RUBCNL: variants seen among roughly 807,000 people sequenced by gnomAD.
RUBCNL encodes the protein protein associated with UVRAG as autophagy enhancer.
RUBCNL carries 62 observed loss-of-function variants against 69.5 expected under a neutral mutation model. The ratio of observed to expected loss-of-function variants is 0.89; its 90% CI spans 0.73 to 1.10. RUBCNL has a LOEUF of 1.10. Among genes scored for constraint, RUBCNL ranks in the 50% least tolerant of loss-of-function variants. The pLI, the probability that RUBCNL is intolerant of heterozygous loss-of-function variation, is 0.00. For missense variants in RUBCNL, 768 were observed against 798.1 expected, an observed-to-expected ratio of 0.96 and a Z score of 0.45; for synonymous variants, 291 against 303.6, an observed-to-expected ratio of 0.96 and a Z score of 0.43.
intron 4 of RUBCNL, 115 bp downstream of exon 4, chr13:46,368,618 G>A: frequency 2.3e-6 from 3 of 1,301,690 alleles, no homozygotes; most frequent in Non-Finnish European, 3.2e-6. Context: ...ATCAAATGCT[G>A]AAAGGAAACC....
chr13:46,357,493 C>T (rs73478070), intron 9 of RUBCNL, among the ~76,000 whole-genome samples: 5,705 of 151,952 alleles, frequency 0.038, 187 homozygotes, highest in East Asian at 0.098. Context: ...CTCAGGGAGG[C>T]CATACACCAA....
In RUBCNL at chr13:46,334,692, A is replaced by G. The variant is rs184442163; in HGVS notation, c.*8693T>C. 1.5e-3 allele frequency among the ~76,000 whole-genome samples: 234 copies of G among 152,310 alleles called. 1 individual carries two copies. Among genetic ancestry groups the G allele is most frequent in the African/African-American group, 5.5e-3 (227 of 41,570 alleles). ...GGGGAGCTTGGAGGCCAGGGGGAAA[A>G]AAAACACTGAATTTTATACACAAAG... On this transcript the variant is annotated 3_prime_UTR_variant, in exon 15 of 15. Transcript: ENST00000429979.
intron 1 of RUBCNL, among the ~76,000 whole-genome samples, chr13:46,385,864 T>C (rs2049230090): frequency 6.6e-6 from 1 of 152,188 alleles, no homozygotes; most frequent in Non-Finnish European, 1.5e-5. Context: ...TCAAAGTTCC[T>C]ACCATCTCCC....
intron 3 of RUBCNL, among the ~76,000 whole-genome samples, chr13:46,371,013 G>A (rs571020403): frequency 1.8e-4 from 27 of 151,170 alleles, no homozygotes; most frequent in African/African-American, 6.3e-4. Context: ...TCCAAAATTT[G>A]TTCTTCTTAA....
rs1257146680 is a variant in RUBCNL, at chr13:46,372,377, C to T, written c.99G>A (p.Leu33=). ...ATTGGCAAGGAGGATGGTCAGTGTT[C>T]AGGAGTCTGGGCGAACCATCAATAA... ...SGIIDGSPRL[L]NTDHPPCQLD... The change falls in exon 3 of 15, where the codon CTG becomes CTA. Residue 33 remains leucine, a synonymous_variant. Transcript: ENST00000429979. The T allele has an allele frequency of 6.2e-7, 1 of 1,613,920 alleles. No individual in the cohort carries two copies. Among genetic ancestry groups the T allele is most frequent in the East Asian group, 2.2e-5 (1 of 44,880 alleles).
intron 9 of RUBCNL, among the ~76,000 whole-genome samples, chr13:46,356,798 G>A (rs113138403): frequency 4.0e-5 from 6 of 151,790 alleles, no homozygotes; most frequent in East Asian, 1.9e-4. Context: ...CAAACTCCTC[G>A]GCTCAGCTCA....
chr13:46,335,257 GTTGTTTT>G lies in RUBCNL; in HGVS notation c.*8121_*8127del, dbSNP rs1483128061. Among the ~76,000 whole-genome samples, 1 of 98,590 alleles carries G rather than the reference GTTGTTTT, an allele frequency of 1.0e-5. No homozygotes were observed. The highest frequency in any genetic ancestry group is 4.0e-5 in the African/African-American group (1 of 25,276). 64.7% of individuals were successfully genotyped at this position (98,590 alleles called of 152,430 possible). ...TTTGTGTCTTTTTGTTGTTGTTGTT[GTTGTTTT>G]TTTTTTTTTTTTTTTTTTTTTAAGA... On this transcript the variant is annotated 3_prime_UTR_variant, in exon 15 of 15. Coordinates refer to ENST00000429979, the MANE Select transcript of RUBCNL (RefSeq NM_025113.5).
upstream of RUBCNL, among the ~76,000 whole-genome samples, chr13:46,388,300 A>AGGG (rs1292552980): frequency 7.8e-6 from 1 of 128,184 alleles, no homozygotes; most frequent in Non-Finnish European, 1.6e-5. Context: ...GGAGGGAGGG[A>AGGG]GGGAAGAAGG....
At chr13:46,356,527 T>G (rs1010574649) in intron 9 of RUBCNL, 31 bp from the exon 10 acceptor site, 5 of 1,596,810 alleles carry the variant, frequency 3.1e-6, no homozygotes, top group Non-Finnish European at 4.3e-6. Flanking sequence ...TAGTTACATT[T>G]CAGAGAAGGC....
At chr13:46,350,015 T>TA (rs2048335261) in intron 11 of RUBCNL, 98 bp downstream of exon 11, 1 of 886,404 alleles carries the variant, frequency 1.1e-6, no homozygotes, top group Admixed American at 2.4e-5. Flanking sequence ...ATTTGCCTCT[T>TA]AGAGGATGTA....
intron 2 of RUBCNL, among the ~76,000 whole-genome samples, chr13:46,376,532 C>T (rs1171456420): frequency 6.6e-6 from 1 of 152,136 alleles, no homozygotes; most frequent in East Asian, 1.9e-4. Context: ...ACCTCAAATC[C>T]CACCTTGTGC....
chr13:46,358,439 T>A (rs2048537845), intron 9 of RUBCNL, among the ~76,000 whole-genome samples: 1 of 152,274 alleles, frequency 6.6e-6, no homozygotes, highest in South Asian at 2.1e-4. Flanking sequence ...ACAATTAAAC[T>A]ATTACTTTAA....
At chr13:46,349,380 A>G (rs769632573) in intron 11 of RUBCNL, 33 bp from the exon 12 acceptor site, 2 of 1,557,882 alleles carry the variant, frequency 1.3e-6, no homozygotes, top group East Asian at 4.5e-5. Context: ...GGGAAAAGTT[A>G]AATGTAATAA....
At chr13:46,371,086 C>T (rs1394227662) in intron 3 of RUBCNL, among the ~76,000 whole-genome samples, 7 of 152,102 alleles carry the variant, frequency 4.6e-5, no homozygotes, top group African/African-American at 1.7e-4. Flanking sequence ...TCCAAAAGAA[C>T]ACATAAACTC....
intron 8 of RUBCNL, among the ~76,000 whole-genome samples, chr13:46,360,088 T>C (rs1462796229): frequency 6.6e-6 from 1 of 152,174 alleles, no homozygotes; most frequent in Non-Finnish European, 1.5e-5. Context: ...CCTACTGTCA[T>C]TTAAAATCCA....
intron 8 of RUBCNL, among the ~76,000 whole-genome samples, chr13:46,360,424 A>C (rs2048584565): frequency 6.6e-6 from 1 of 152,186 alleles, no homozygotes; most frequent in South Asian, 2.1e-4. Flanking sequence ...CTATCATTCA[A>C]ACCTTATTTC....
chr13:46,349,992 CG>C (rs1370092902), intron 11 of RUBCNL, 120 bp downstream of exon 11: 1 of 758,830 alleles, frequency 1.3e-6, no homozygotes, highest in Non-Finnish European at 2.1e-6. Flanking sequence ...CCGCTTCACT[CG>C]CTTTATGATC....
chr13:46,362,391 A>AT (rs1228388240), intron 7 of RUBCNL, 147 bp downstream of exon 7: 1 of 476,160 alleles, frequency 2.1e-6, no homozygotes, highest in East Asian at 3.3e-5. Flanking sequence ...TGATTGTTTC[A>AT]TTTCTAGGTG....
At chr13:46,365,364 ACGTAC>A in intron 5 of RUBCNL, among the ~76,000 whole-genome samples, 1 of 151,722 alleles carries the variant, frequency 6.6e-6, no homozygotes, top group East Asian at 1.9e-4. Context: ...GACCTAAACC[ACGTAC>A]ACACACAAAA....
Sources: gnomAD v4.1 joint callset for allele counts (sites outside exome capture counted in the v4.1 genomes callset) on GRCh38, gnomAD v4.1.1 for gene constraint, MANE v1.5 for transcripts, NCBI Gene and HGNC (gene_info 2026-07-23, HGNC 2026-07-21) for gene names.